The following DDX10 variants were observed in gnomAD, a reference collection of about 807,000 sequenced individuals.
DDX10 encodes probable ATP-dependent RNA helicase DDX10.
Under a neutral mutation model 104.3 loss-of-function variants are expected in DDX10, and 74 were observed. The observed-to-expected ratio is 0.71, with a 90% CI of 0.59 to 0.86. The LOEUF (loss-of-function observed/expected upper bound fraction) is 0.86, where lower values mean the gene tolerates loss of function less well. Among genes scored for constraint, DDX10 ranks in the 40% least tolerant of loss-of-function variants. The pLI, the probability that DDX10 is intolerant of heterozygous loss-of-function variation, is 0.00. For synonymous variants in DDX10, 351 were observed against 353.4 expected (o/e 0.99, Z 0.08); for missense variants, 952 against 1,040.0 (o/e 0.92, Z 1.16).
intron 13 of DDX10, among the ~76,000 whole-genome samples, chr11:108,834,329 T>C (rs1862517526): frequency 6.6e-6 from 1 of 152,010 alleles, no homozygotes. Flanking sequence ...TGCATTTGAG[T>C]AAGTTGCCAA....
intron 12 of DDX10, 132 bp from the exon 13 acceptor site, chr11:108,722,865 G>A: frequency 1.5e-6 from 2 of 1,357,204 alleles, no homozygotes; most frequent in Admixed American, 5.9e-5. Flanking sequence ...TGTTAGTATT[G>A]AGTTGTATCT....
intron 16 of DDX10, among the ~76,000 whole-genome samples, chr11:108,875,089 A>T (rs534096475): frequency 6.6e-6 from 1 of 152,168 alleles, no homozygotes; most frequent in Non-Finnish European, 1.5e-5. Flanking sequence ...AGCCAGGAAG[A>T]GGTTTTGCCT....
chr11:108,797,053 T>C (rs1371622757), intron 13 of DDX10, among the ~76,000 whole-genome samples: 1 of 152,068 alleles, frequency 6.6e-6, no homozygotes, highest in Non-Finnish European at 1.5e-5. Flanking sequence ...TTTTTTTTTT[T>C]AGACAAGATC....
chr11:108,801,314 C>G (rs778483669), intron 13 of DDX10, among the ~76,000 whole-genome samples: 1 of 152,154 alleles, frequency 6.6e-6, no homozygotes, highest in Non-Finnish European at 1.5e-5. Flanking sequence ...ATAGAATCAG[C>G]TAGTAGTTTT....
Position 108,839,309 on chromosome 11 carries a change from C to T in DDX10, c.2085+744C>T, listed in dbSNP as rs890515228. ...CTCATATTAGCACAGAGCACCTTAC[C>T]TCCATCATAGCCTCATTTCTCTCAC... On this transcript the variant is annotated intron_variant, in intron 14 of 17. Transcript: ENST00000322536. Among the ~76,000 whole-genome samples, 5 of 152,124 alleles carry T rather than the reference C, an allele frequency of 3.3e-5. 1 individual carries two copies. The highest frequency in any genetic ancestry group is 7.3e-5 in the Non-Finnish European group (5 of 68,036).
intron 13 of DDX10, chr11:108,729,873 G>A (rs1415735612): frequency 6.6e-6 from 1 of 152,262 alleles, no homozygotes; most frequent in African/African-American, 2.4e-5. Context: ...GATATCTCTT[G>A]TGACCATTAG....
chr11:108,722,520 T>C (rs2094299524), intron 12 of DDX10, among the ~76,000 whole-genome samples: 2 of 152,234 alleles, frequency 1.3e-5, no homozygotes, highest in South Asian at 4.1e-4. Flanking sequence ...GTTCTTTCTC[T>C]GTAGAGAACT....
intron 16 of DDX10, among the ~76,000 whole-genome samples, chr11:108,875,210 C>T (rs1016506345): frequency 3.3e-5 from 5 of 152,096 alleles, no homozygotes; most frequent in Non-Finnish European, 7.4e-5. Flanking sequence ...AGACTGGCTG[C>T]GTTTAGTCAA....
intron 6 of DDX10, among the ~76,000 whole-genome samples, chr11:108,684,190 T>TTA (rs1555014325): frequency 4.4e-5 from 5 of 113,040 alleles, no homozygotes; most frequent in Non-Finnish European, 7.6e-5. Context: ...TTTTTTTTTT[T>TTA]AATTTTTTTT....
chr11:108,888,745 T>TCA, intron 16 of DDX10, among the ~76,000 whole-genome samples: 1 of 151,918 alleles, frequency 6.6e-6, no homozygotes, highest in Non-Finnish European at 1.5e-5. Context: ...GGGATATACA[T>TCA]ATTGATGTGT....
intron 13 of DDX10, among the ~76,000 whole-genome samples, chr11:108,827,500 A>G (rs987617870): frequency 6.6e-6 from 1 of 152,226 alleles, no homozygotes; most frequent in Non-Finnish European, 1.5e-5. Flanking sequence ...GTCAAGGTTT[A>G]CTATAGTGTG....
At chr11:108,745,693 TCTA>T (rs1485287625) in intron 13 of DDX10, among the ~76,000 whole-genome samples, 1 of 152,212 alleles carries the variant, frequency 6.6e-6, no homozygotes, top group East Asian at 1.9e-4. Flanking sequence ...AGTCTTCCTT[TCTA>T]TAATTCTCTG....
At chr11:108,716,695 T>TA (rs1195184752) in intron 11 of DDX10, among the ~76,000 whole-genome samples, 1 of 152,230 alleles carries the variant, frequency 6.6e-6, no homozygotes, top group African/African-American at 2.4e-5. Flanking sequence ...GATTTTAACT[T>TA]ACGTTTATGA....
chr11:108,686,742 T>C (rs892488179), intron 6 of DDX10, among the ~76,000 whole-genome samples: 5 of 152,206 alleles, frequency 3.3e-5, no homozygotes, highest in Non-Finnish European at 7.3e-5. Context: ...TGTTTTCAAC[T>C]CTTTTTGGTA....
intron 13 of DDX10, among the ~76,000 whole-genome samples, chr11:108,741,371 G>A (rs1289739754): frequency 1.3e-5 from 2 of 152,090 alleles, no homozygotes; most frequent in Non-Finnish European, 2.9e-5. Flanking sequence ...GATAGGAATA[G>A]CATTGAATCT....
At chr11:108,716,520 G>A (rs2134470108) in intron 11 of DDX10, among the ~76,000 whole-genome samples, 1 of 152,288 alleles carries the variant, frequency 6.6e-6, no homozygotes, top group South Asian at 2.1e-4. Flanking sequence ...TGGATGCACA[G>A]TGGCCTGATT....
chr11:108,778,828 G>T (rs2094373810), intron 13 of DDX10, among the ~76,000 whole-genome samples: 3 of 152,082 alleles, frequency 2.0e-5, no homozygotes, highest in African/African-American at 7.2e-5. Flanking sequence ...AATCTACAAA[G>T]AACTCAAATT....
chr11:108,861,329 C>A (rs896747478), intron 16 of DDX10, among the ~76,000 whole-genome samples: 3 of 152,086 alleles, frequency 2.0e-5, no homozygotes, highest in East Asian at 1.9e-4. Context: ...CTGTTCTTTG[C>A]ACCTCTAAGT....
chr11:108,864,906 C>G (rs1565302713), intron 16 of DDX10, among the ~76,000 whole-genome samples: 1 of 152,164 alleles, frequency 6.6e-6, no homozygotes, highest in Non-Finnish European at 1.5e-5. Flanking sequence ...CATGCCCAAA[C>G]TCTAGTTGTC....
Sources: gnomAD v4.1 joint callset for allele counts (sites outside exome capture counted in the v4.1 genomes callset) on GRCh38, gnomAD v4.1.1 for gene constraint, MANE v1.5 for transcripts, NCBI Gene and HGNC (gene_info 2026-07-23, HGNC 2026-07-21) for gene names.